Variants in KRR1 observed in about 807,000 individuals in gnomAD.
The protein encoded by KRR1 is KRR1 small subunit processome component.
In KRR1, 23 loss-of-function variants were observed where a neutral mutation model predicts 50.0. The observed-to-expected ratio is 0.46, with a 90% CI of 0.33 to 0.65. The LOEUF is 0.65. Ranked by LOEUF, KRR1 falls within the 30% of genes least tolerant of loss-of-function variation. KRR1 has a pLI of 0.02. For missense variants in KRR1, 419 were observed against 442.4 expected (o/e 0.95, Z 0.47); for synonymous variants, 133 against 146.3 (o/e 0.91, Z 0.66).
rs537316924 is a variant in KRR1, at chr12:75,499,727, C to T, written c.*82G>A. On this transcript the variant is annotated 3_prime_UTR_variant, in exon 10 of 10. Coordinates refer to ENST00000229214, the MANE Select transcript of KRR1 (RefSeq NM_007043.7). Reference sequence around the variant, plus strand: ...AAAAAAAAAAGCCCTCAGAAAATTTCTCACAAATAAGGCAACTAATGCCTG... The same window carrying T: ...AAAAAAAAAAGCCCTCAGAAAATTTTTCACAAATAAGGCAACTAATGCCTG... The T allele has an allele frequency of 5.9e-6, 6 of 1,021,216 alleles. No individual in the cohort carries two copies. The African/African-American group carries it at 8.4e-5, about 14-fold the overall frequency. 63.3% of individuals were successfully genotyped at this position (1,021,216 alleles called of 1,614,324 possible).
chr12:75,498,981 C>T lies in KRR1; in HGVS notation c.*828G>A. ...CTAATTTAGTTCTTTTGGACTAATA[C>T]AATTCAGGAAAGAAAAAACCCAAAA... is the stretch of plus-strand genomic sequence containing the variant. On this transcript the variant is annotated 3_prime_UTR_variant, in exon 10 of 10. Coordinates refer to ENST00000229214, the MANE Select transcript of KRR1 (RefSeq NM_007043.7). 1.3e-6 allele frequency: 2 copies of T among 1,555,456 alleles called. No homozygotes were observed. Among genetic ancestry groups the T allele is most frequent in the Non-Finnish European group, 1.7e-6 (2 of 1,155,936 alleles).
Position 75,506,616 on chromosome 12 carries a change from C to CAAAAAAAAAAAAAAAAAAAAAAAAAAA in KRR1, c.394-8_394-7insTTTTTTTTTTTTTTTTTTTTTTTTTTT, listed in dbSNP as rs35071517. 2.1e-6 allele frequency: 2 copies of CAAAAAAAAAAAAAAAAAAAAAAAAAAA among 962,220 alleles called. No homozygotes were observed. Among genetic ancestry groups the CAAAAAAAAAAAAAAAAAAAAAAAAAAA allele is most frequent in the African/African-American group, 3.9e-5 (2 of 51,096 alleles). The allele number at this position is 962,220 out of a possible 1,614,324, so 59.6% of individuals were successfully genotyped here. On this transcript the variant is annotated splice_polypyrimidine_tract_variant and splice_region_variant and intron_variant, in intron 3 of 9. Coordinates refer to ENST00000229214, the MANE Select transcript of KRR1 (RefSeq NM_007043.7). ...CCTGAAGAATTCGTACTGCCTTTTG[C>CAAAAAAAAAAAAAAAAAAAAAAAAAAA]AAAAAAAAAAAAAAAAAGAAGACAT...
At chr12:75,511,426 G>T in intron 1 of KRR1, 87 bp downstream of exon 1, 2 of 1,210,366 alleles carry the variant, frequency 1.7e-6, no homozygotes, top group Non-Finnish European at 2.5e-6. Flanking sequence ...GCTCCAGGTG[G>T]TTTTATAAGT....
At position 75,506,106 on chromosome 12, in the gene KRR1, G is replaced by A. The variant is rs1447447313; in HGVS notation, c.603+210C>T. 9.9e-6 allele frequency: 4 copies of A among 402,962 alleles called. No homozygotes were observed. The East Asian group carries it at 1.8e-4, about 18-fold the overall frequency. The allele number at this position is 402,962 out of a possible 1,614,324, so 25.0% of individuals were successfully genotyped here. ...CAGACCATCTAATTCAGAAATGGATGTCTCCATAGTTGCCAAGGTTGGCCA... is the reference window on the plus strand; with the variant it reads ...CAGACCATCTAATTCAGAAATGGATATCTCCATAGTTGCCAAGGTTGGCCA... On this transcript the variant is annotated intron_variant, in intron 5 of 9. Coordinates refer to ENST00000229214, the MANE Select transcript of KRR1 (RefSeq NM_007043.7).
At position 75,497,904 on chromosome 12, in the gene KRR1, A is replaced by ATAAC. The variant is rs1491421879; in HGVS notation, c.*1901_*1904dup. On this transcript the variant is annotated 3_prime_UTR_variant, in exon 10 of 10. Coordinates refer to ENST00000229214, the MANE Select transcript of KRR1 (RefSeq NM_007043.7). Reference sequence around the variant, plus strand: ...CATTTAAAAATATATATAAAAAAAAATAACTAGAACATCACACTCTTGATT... The same window carrying ATAAC: ...CATTTAAAAATATATATAAAAAAAAATAACTAACTAGAACATCACACTCTTGATT... The ATAAC allele has an allele frequency of 6.7e-6, 1 of 149,802 alleles. No individual in the cohort carries two copies. Among genetic ancestry groups the ATAAC allele is most frequent in the Non-Finnish European group, 1.5e-5 (1 of 67,082 alleles). 9.3% of individuals were successfully genotyped at this position (149,802 alleles called of 1,614,324 possible). A position where few individuals can be genotyped will look rare whatever the true frequency, so the allele number is the denominator to read the frequency against.
rs780000476 is a variant in KRR1 at position 75,506,957 on chromosome 12, A to G, written c.259-41T>C. ...GCAAACAAGCAGTTGTCTAAAAATG[A>G]GTTTTTTTAGATAATTATAAAGCCT... On this transcript the variant is annotated intron_variant, in intron 2 of 9. Transcript: ENST00000229214. 5.2e-6 allele frequency: 8 copies of G among 1,538,024 alleles called. No individual in the cohort carries two copies. In the South Asian group the frequency reaches 9.9e-5, roughly 19 times the overall value.
At chr12:75,506,676 G>T in intron 3 of KRR1, 67 bp from the exon 4 acceptor site, 1 of 1,542,050 alleles carries the variant, frequency 6.5e-7, no homozygotes, top group Non-Finnish European at 8.7e-7. Flanking sequence ...TCATTTTCCA[G>T]GCCCACGCTA....
intron 6 of KRR1, among the ~76,000 whole-genome samples, chr12:75,504,797 G>T (rs1362611613): frequency 6.6e-6 from 1 of 151,932 alleles, no homozygotes; most frequent in Non-Finnish European, 1.5e-5. Flanking sequence ...TTCATAAAAA[G>T]GTTTTAACGC....
Position 75,498,711 on chromosome 12 carries a change from C to G in KRR1, c.*1098G>C, listed in dbSNP as rs1164622398. The G allele has an allele frequency of 6.2e-6, 10 of 1,612,026 alleles. No homozygotes were observed. Among genetic ancestry groups the G allele is most frequent in the Non-Finnish European group, 8.5e-6 (10 of 1,178,728 alleles). On this transcript the variant is annotated 3_prime_UTR_variant, in exon 10 of 10. Coordinates refer to ENST00000229214, the MANE Select transcript of KRR1 (RefSeq NM_007043.7). ...CTTTACAGTTAACCGACAGCGAGACCAAGTCAAACGTACGTACATCAATCT... is the reference window on the plus strand; with the variant it reads ...CTTTACAGTTAACCGACAGCGAGACGAAGTCAAACGTACGTACATCAATCT...
Position 75,495,740 on chromosome 12 carries a change from A to T in KRR1, c.*4069T>A. 1.2e-6 allele frequency: 1 copy of T among 855,296 alleles called. No homozygotes were observed. The highest frequency in any genetic ancestry group is 1.6e-5 in the South Asian group (1 of 62,794). The allele number at this position is 855,296 out of a possible 1,614,324, so 53.0% of individuals were successfully genotyped here. A position where few individuals can be genotyped will look rare whatever the true frequency, so the allele number is the denominator to read the frequency against. On this transcript the variant is annotated 3_prime_UTR_variant, in exon 10 of 10. Coordinates refer to ENST00000229214, the MANE Select transcript of KRR1 (RefSeq NM_007043.7). ...TTTCTACAGAATTAACAATGAAACC[A>T]TGTTTTATCTTAACGGCTATCTTCA...
Position 75,492,092 on chromosome 12 carries a change from T to TC in KRR1, c.*7716_*7717insG, listed in dbSNP as rs1459906086. 6.6e-6 allele frequency: 1 copy of TC among 150,960 alleles called. No homozygotes were observed. The highest frequency in any genetic ancestry group is 2.4e-5 in the African/African-American group (1 of 41,124). The allele number at this position is 150,960 out of a possible 1,614,324, so 9.4% of individuals were successfully genotyped here. On this transcript the variant is annotated 3_prime_UTR_variant, in exon 10 of 10. Transcript: ENST00000229214. ...GTTAGTGGTAACTTTTCATGACTTT[T>TC]TTTTTTTTTTTTGAGACAGGGTCTC...
rs2046354364 is a variant in KRR1, at chr12:75,496,778, C to T, written c.*3031G>A. 6.6e-6 allele frequency: 1 copy of T among 152,252 alleles called. No homozygotes were observed. Among genetic ancestry groups the T allele is most frequent in the South Asian group, 2.1e-4 (1 of 4,818 alleles). 9.4% of individuals were successfully genotyped at this position (152,252 alleles called of 1,614,324 possible). On this transcript the variant is annotated 3_prime_UTR_variant, in exon 10 of 10. Transcript: ENST00000229214. Reference sequence around the variant, plus strand: ...TTCCATTGCTCATGTTTTATAAGGTCCCTTGCAGGCCTAAAATTATAAAAT... The same window carrying T: ...TTCCATTGCTCATGTTTTATAAGGTTCCTTGCAGGCCTAAAATTATAAAAT...
chr12:75,511,399 T>TCA, intron 1 of KRR1, 114 bp downstream of exon 1: 1 of 878,322 alleles, frequency 1.1e-6, no homozygotes, highest in East Asian at 2.5e-5. Context: ...ATTCAGGTAC[T>TCA]CAACTACACA....
At chr12:75,501,625 T>A (rs1367518460) in intron 9 of KRR1, 98 bp downstream of exon 9, 1 of 763,160 alleles carries the variant, frequency 1.3e-6, no homozygotes, top group South Asian at 1.7e-5. Context: ...AGAGAACTGA[T>A]GAAAAGATAC....
Position 75,494,517 on chromosome 12 carries a change from ATTAC to A in KRR1, c.*5288_*5291del, listed in dbSNP as rs1468776772. On this transcript the variant is annotated 3_prime_UTR_variant, in exon 10 of 10. Transcript: ENST00000229214. ...GGTAGATCTTAATAGAGAAGCACATATTACTTTATCACAAATCTTGTTTTAAACA... is the reference window on the plus strand; with the variant it reads ...GGTAGATCTTAATAGAGAAGCACATATTTATCACAAATCTTGTTTTAAACA... The A allele has an allele frequency of 1.3e-5, 2 of 152,182 alleles. No individual in the cohort carries two copies. Among genetic ancestry groups the A allele is most frequent in the African/African-American group, 2.4e-5 (1 of 41,440 alleles). The allele number at this position is 152,182 out of a possible 1,614,324, so 9.4% of individuals were successfully genotyped here. A position where few individuals can be genotyped will look rare whatever the true frequency, so the allele number is the denominator to read the frequency against.
At chr12:75,502,803 CAAGA>C (rs1265460561) in intron 7 of KRR1, 4 of 151,928 alleles carry the variant, frequency 2.6e-5, no homozygotes, top group Admixed American at 2.6e-4. Flanking sequence ...TCAATTACTA[CAAGA>C]AAGGGCCATA....
At position 75,499,050 on chromosome 12, in the gene KRR1, T is replaced by C; in HGVS notation, c.*759A>G. 2.2e-6 allele frequency: 2 copies of C among 906,302 alleles called. No homozygotes were observed. The highest frequency in any genetic ancestry group is 1.6e-6 in the Non-Finnish European group (1 of 607,372). The allele number at this position is 906,302 out of a possible 1,614,324, so 56.1% of individuals were successfully genotyped here. A position where few individuals can be genotyped will look rare whatever the true frequency, so the allele number is the denominator to read the frequency against. ...TGGCTTTTTTTTTAACCAATAACAA[T>C]TAGGTGTACTTCTATTTTAAAACAT... On this transcript the variant is annotated 3_prime_UTR_variant, in exon 10 of 10. Transcript: ENST00000229214.
rs770604908 is a variant in KRR1, at chr12:75,508,402, C to A, written c.130G>T (p.Ala44Ser). Residue 44 changes from alanine to serine, a missense_variant, in exon 2 of 10, where the codon GCT becomes TCT. Physicochemically the swap from Ala to Ser is moderately conservative, Grantham distance 99. Coordinates refer to ENST00000229214, the MANE Select transcript of KRR1 (RefSeq NM_007043.7). ...LTVPDGWKEP[A>S]FSKEDNPRGL... ...CTGGGATTGTCCTCTTTGGAAAAAG[C>A]TGGTTCCTTCCAACCATCAGGAACC... 16 of 1,612,592 alleles carry A rather than the reference C, an allele frequency of 9.9e-6. No individual in the cohort carries two copies. The highest frequency in any genetic ancestry group is 1.4e-5 in the Non-Finnish European group (16 of 1,179,498).
At chr12:75,507,914 A>C (rs908565551) in intron 2 of KRR1, among the ~76,000 whole-genome samples, 2 of 152,160 alleles carry the variant, frequency 1.3e-5, no homozygotes, top group African/African-American at 4.8e-5. Context: ...TTTAAGATGA[A>C]AGGTAATCAA....
Sources: gnomAD v4.1 joint callset for allele counts (sites outside exome capture counted in the v4.1 genomes callset) on GRCh38, gnomAD v4.1.1 for gene constraint, MANE v1.5 for transcripts, NCBI Gene and HGNC (gene_info 2026-07-23, HGNC 2026-07-21) for gene names.